SYNE1: variants seen among roughly 807,000 people sequenced by gnomAD.
SYNE1 encodes the protein nesprin-1.
Under a neutral mutation model 1,111.0 loss-of-function variants are expected in SYNE1, and 616 were observed. That is an observed-to-expected ratio of 0.55 (90% CI 0.52 to 0.59). SYNE1 has a LOEUF of 0.59. Ranked by LOEUF, SYNE1 falls within the 20% of genes least tolerant of loss-of-function variation. SYNE1 has a pLI of 0.00. For missense variants in SYNE1, 10,006 were observed against 10,417.0 expected (o/e 0.96, Z 1.72); for synonymous variants, 3,855 against 3,825.8 (o/e 1.01, Z -0.28).
rs767966157 is a variant in SYNE1 at position 152,211,597 on chromosome 6, TA to T, written c.22495-10del. Reference sequence around the variant, plus strand: ...ATCTCGGCTTGAAACAACTATAATTTAAAAAAAAGAAGAACATACTTTAGAG... The same window carrying T: ...ATCTCGGCTTGAAACAACTATAATTTAAAAAAAGAAGAACATACTTTAGAG... On this transcript the variant is annotated splice_polypyrimidine_tract_variant and intron_variant, in intron 123 of 145. Transcript: ENST00000367255. 2.5e-6 allele frequency: 4 copies of T among 1,608,776 alleles called. No individual in the cohort carries two copies. Among genetic ancestry groups the T allele is most frequent in the Non-Finnish European group, 3.4e-6 (4 of 1,176,110 alleles).
intron 32 of SYNE1, among the ~76,000 whole-genome samples, chr6:152,439,351 T>A (rs190663849): frequency 6.6e-6 from 1 of 152,310 alleles, no homozygotes; most frequent in African/African-American, 2.4e-5. Flanking sequence ...AACATCTTTG[T>A]ATTTATAAAA....
At chr6:152,407,919 G>A (rs931593685) in intron 44 of SYNE1, among the ~76,000 whole-genome samples, 8 of 151,712 alleles carry the variant, frequency 5.3e-5, no homozygotes, top group Admixed American at 3.3e-4. Context: ...TCGCCACCAC[G>A]CCCGGCTAAT....
In SYNE1 at chr6:152,563,325, C is replaced by G. The variant is rs564104925; in HGVS notation, c.68-23304G>C. ...CTCTATAAAAGCATACTATTCTTCCCTCATTCTTCATCCTTACCCCCTGCT... is the reference window on the plus strand; with the variant it reads ...CTCTATAAAAGCATACTATTCTTCCGTCATTCTTCATCCTTACCCCCTGCT... On this transcript the variant is annotated intron_variant, in intron 3 of 145. Coordinates refer to ENST00000367255, the MANE Select transcript of SYNE1 (RefSeq NM_182961.4). Among the ~76,000 whole-genome samples, 4 of 152,216 alleles carry G rather than the reference C, an allele frequency of 2.6e-5. No individual in the cohort carries two copies. The South Asian group carries it at 8.3e-4, about 32-fold the overall frequency.
Position 152,310,430 on chromosome 6 carries a change from C to T in SYNE1, c.16985G>A (p.Arg5662His), listed in dbSNP as rs144895914. 3 of 1,614,190 alleles carry T rather than the reference C, an allele frequency of 1.9e-6. No homozygotes were observed. Among genetic ancestry groups the T allele is most frequent in the East Asian group, 2.2e-5 (1 of 44,876 alleles). ...AGAGAGCTGCTCCTTGAGACTGAGA[C>T]GTCCAACTTCTGGAGAAGTCAGTGT... is the stretch of plus-strand genomic sequence containing the variant. ...QATLTSPEVGRLSLKEQLSHR... is the reference protein window; with the variant it reads ...QATLTSPEVGHLSLKEQLSHR... Residue 5662 changes from arginine (R) to histidine (H), a missense_variant, in exon 89 of 146, where the codon CGT becomes CAT. Transcript: ENST00000367255.
At chr6:152,626,209 G>A (rs763956495) in intron 3 of SYNE1, among the ~76,000 whole-genome samples, 3 of 152,178 alleles carry the variant, frequency 2.0e-5, no homozygotes. Context: ...GAAGAGTAGA[G>A]TGTTTGTAGG....
intron 29 of SYNE1, 56 bp downstream of exon 29, chr6:152,447,402 A>C: frequency 6.3e-7 from 1 of 1,589,352 alleles, no homozygotes; most frequent in South Asian, 1.1e-5. Flanking sequence ...AAGAAAAAGA[A>C]CCTTCCAGAT....
chr6:152,369,669 AG>A (rs2097143850), intron 59 of SYNE1, 55 bp from the exon 60 acceptor site: 1 of 1,602,498 alleles, frequency 6.2e-7, no homozygotes, highest in Admixed American at 1.7e-5. Flanking sequence ...AGCAAGTCCA[AG>A]GTCCTTCACT....
intron 3 of SYNE1, among the ~76,000 whole-genome samples, chr6:152,618,807 G>C (rs896809314): frequency 6.6e-6 from 1 of 152,116 alleles, no homozygotes; most frequent in Admixed American, 6.6e-5. Flanking sequence ...ACTTCTTTGA[G>C]ATGTTTCCAT....
intron 16 of SYNE1, 28 bp downstream of exon 16, chr6:152,471,569 A>C (rs750385343): frequency 6.2e-7 from 1 of 1,611,104 alleles, no homozygotes; most frequent in Admixed American, 1.7e-5. Flanking sequence ...GCTCATAGGA[A>C]TTCTCTGTCA....
At chr6:152,593,163 C>G (rs1441870240) in intron 3 of SYNE1, among the ~76,000 whole-genome samples, 2 of 152,190 alleles carry the variant, frequency 1.3e-5, no homozygotes, top group East Asian at 3.8e-4. Context: ...AACTTGTGGT[C>G]AAATGGGTTT....
intron 3 of SYNE1, among the ~76,000 whole-genome samples, chr6:152,592,309 C>A (rs2099569250): frequency 6.6e-6 from 1 of 152,092 alleles, no homozygotes; most frequent in Non-Finnish European, 1.5e-5. Context: ...GACATGGAAT[C>A]AATTCTGGTG....
At chr6:152,519,856 G>A (rs981260084) in intron 6 of SYNE1, among the ~76,000 whole-genome samples, 3 of 152,114 alleles carry the variant, frequency 2.0e-5, no homozygotes, top group African/African-American at 7.2e-5. Context: ...CCAGTAATAA[G>A]ACATATCAGC....
chr6:152,606,699 A>G (rs368744473), intron 3 of SYNE1, among the ~76,000 whole-genome samples: 6 of 151,840 alleles, frequency 4.0e-5, no homozygotes, highest in South Asian at 2.1e-4. Flanking sequence ...CCAGGCTGGA[A>G]TGCAGTGGCA....
At chr6:152,555,345 TTATGTTTAGA>T (rs1447575220) in intron 3 of SYNE1, among the ~76,000 whole-genome samples, 1 of 152,220 alleles carries the variant, frequency 6.6e-6, no homozygotes, top group Non-Finnish European at 1.5e-5. Flanking sequence ...ACTGTACTTT[TTATGTTTAGA>T]TATGTTTAGA....
chr6:152,426,016 A>G (rs1000717945), intron 38 of SYNE1, among the ~76,000 whole-genome samples: 1 of 152,202 alleles, frequency 6.6e-6, no homozygotes, highest in Non-Finnish European at 1.5e-5. Context: ...TTCTATTTAG[A>G]GTCTAGATTA....
In SYNE1 at chr6:152,330,767, AG is replaced by A. The variant is rs1563122452; in HGVS notation, c.13917del (p.Tyr4640ThrfsTer6). ...ILPSLNEVDH[S>X]YLSEKLNALP... The stretch of plus-strand genomic sequence containing the variant: ...AAAGCATTTAGCTTTTCACTGAGGT[AG>A]GAATGATCGACTTCATTCAGCGATG... On this transcript the variant is annotated frameshift_variant, in exon 78 of 146. Transcript: ENST00000367255. LOFTEE classifies it high-confidence loss of function. 1.2e-6 allele frequency: 2 copies of A among 1,614,022 alleles called. No individual in the cohort carries two copies. The highest frequency in any genetic ancestry group is 3.3e-5 in the Admixed American group (2 of 60,028).
intron 142 of SYNE1, 106 bp from the exon 143 acceptor site, chr6:152,133,594 G>A: frequency 8.8e-7 from 1 of 1,132,244 alleles, no homozygotes; most frequent in Non-Finnish European, 1.3e-6. Flanking sequence ...AATTATACCT[G>A]AGCATCAAAC....
chr6:152,293,836 GTGGCCCAACATA>G (rs773728897), intron 94 of SYNE1, 87 bp from the exon 95 acceptor site: 561 of 1,609,712 alleles, frequency 3.5e-4, no homozygotes, highest in Non-Finnish European at 4.4e-4. Context: ...CTTTACCTCT[GTGGCCCAACATA>G]GGGTACTCAA....
intron 129 of SYNE1, 74 bp from the exon 130 acceptor site, chr6:152,176,634 A>G: frequency 6.9e-7 from 1 of 1,439,440 alleles, no homozygotes; most frequent in Non-Finnish European, 9.8e-7. Flanking sequence ...TACTAGAAAC[A>G]TGATGATTAC....
Sources: allele counts gnomAD v4.1 joint callset (sites outside exome capture counted in the v4.1 genomes callset), GRCh38; gene constraint gnomAD v4.1.1; transcripts MANE v1.5; gene names NCBI Gene and HGNC (gene_info 2026-07-23, HGNC 2026-07-21).